The following ASMT variants were observed in gnomAD, a reference collection of about 807,000 sequenced individuals.
ASMT encodes acetylserotonin N-methyltransferase.
In ASMT, 53 loss-of-function variants were observed where a neutral mutation model predicts 41.3. The observed-to-expected ratio is 1.28, with a 90% CI of 1.03 to 1.61. The LOEUF (loss-of-function observed/expected upper bound fraction) is 1.61, where lower values mean the gene tolerates loss of function less well. Among genes scored for constraint, ASMT ranks in the 40% most tolerant of loss-of-function variants. ASMT has a pLI of 0.00. For missense variants in ASMT, 531 were observed against 441.3 expected (o/e 1.20, Z -1.82); for synonymous variants, 231 against 184.8 (o/e 1.25, Z -2.03).
At chrX:1,636,151 G>T (rs1333016664) in intron 7 of ASMT, 1 of 423,868 alleles carries the variant, frequency 2.4e-6, no homozygotes, top group South Asian at 2.1e-5. Context: ...TAGAGACAGG[G>T]TTTCACCGTG....
intron 4 of ASMT, 62 bp from the exon 5 acceptor site, chrX:1,629,759 C>G: frequency 6.7e-7 from 1 of 1,487,932 alleles, no homozygotes; most frequent in South Asian, 1.1e-5. Flanking sequence ...GTTATGTACA[C>G]CCTTGCTCTG....
chrX:1,627,593 C>A, intron 3 of ASMT, 110 bp from the exon 4 acceptor site: 1 of 1,183,912 alleles, frequency 8.4e-7, no homozygotes, highest in Non-Finnish European at 1.3e-6. Flanking sequence ...TGCACTCCAG[C>A]CTGGGCTACA....
intron 1 of ASMT, among the ~76,000 whole-genome samples, chrX:1,622,484 T>C (rs750595474): frequency 6.6e-6 from 1 of 150,384 alleles, no homozygotes; most frequent in Admixed American, 6.7e-5. Context: ...AGAGATGGGG[T>C]TTCACCATGT....
Position 1,629,327 on chromosome X carries a change from G to C in ASMT, c.444-494G>C, listed in dbSNP as rs188760035. ...GACAGGAGGAGAGAGGGAGCTGTGG[G>C]GGGGGAGGAGCAGGAAATGCTTCCA... On this transcript the variant is annotated intron_variant, in intron 4 of 8. Coordinates refer to ENST00000381241, the MANE Select transcript of ASMT (RefSeq NM_001171038.2). Among the ~76,000 whole-genome samples, 174 of 152,218 alleles carry C rather than the reference G, an allele frequency of 1.1e-3. 1 individual carries two copies. Among genetic ancestry groups the C allele is most frequent in the South Asian group, 5.6e-3 (27 of 4,814 alleles).
At chrX:1,630,183 C>T (rs773941628) in intron 5 of ASMT, among the ~76,000 whole-genome samples, 6 of 151,634 alleles carry the variant, frequency 4.0e-5, no homozygotes. Context: ...GCCCAGGCTG[C>T]AGTGCAGTGG....
Position 1,636,507 on chromosome X carries a change from C to T in ASMT, c.857C>T (p.Ala286Val), listed in dbSNP as rs1176025937. 5 of 1,613,804 alleles carry T rather than the reference C, an allele frequency of 3.1e-6. No individual in the cohort carries two copies. The highest frequency in any genetic ancestry group is 1.7e-5 in the Admixed American group (1 of 59,970). ...CTGGCCAGGGTCCTCCATGACTGGG[C>T]AGACGGAAAGTGCTCACACCTGCTG... is the stretch of plus-strand genomic sequence containing the variant. ...YILARVLHDW[A>V]DGKCSHLLER... The change falls in exon 8 of 9, where the codon GCA (alanine) becomes GTA (valine). Residue 286 changes from alanine (A) to valine (V), a missense_variant. By Grantham distance (64) the Ala-to-Val change is moderately conservative. Coordinates refer to ENST00000381241, the MANE Select transcript of ASMT (RefSeq NM_001171038.2).
intron 5 of ASMT, among the ~76,000 whole-genome samples, chrX:1,630,153 A>C (rs1474451627): frequency 1.3e-5 from 2 of 152,088 alleles, no homozygotes; most frequent in African/African-American, 4.8e-5. Flanking sequence ...TCTTTTTTTA[A>C]GATGGAAGCT....
At chrX:1,636,356 G>A (rs780982749) in intron 7 of ASMT, 82 bp from the exon 8 acceptor site, 1 of 1,606,196 alleles carries the variant, frequency 6.2e-7, no homozygotes, top group African/African-American at 1.3e-5. Flanking sequence ...ACCCATCCAG[G>A]TGACCTTTTG....
intron 1 of ASMT, among the ~76,000 whole-genome samples, chrX:1,616,166 T>C (rs189084256): frequency 0.017 from 2,508 of 146,378 alleles, 122 homozygotes; most frequent in African/African-American, 0.054. Context: ...GTATCTGGGA[T>C]TACAGGCACC....
At chrX:1,631,206 G>A (rs189864193) in intron 5 of ASMT, among the ~76,000 whole-genome samples, 4 of 151,120 alleles carry the variant, frequency 2.6e-5, no homozygotes, top group East Asian at 2.0e-4. Flanking sequence ...GAGCCACTGC[G>A]CCGAGCTCAT....
rs775033883 is a variant in ASMT, at chrX:1,635,874, CAAACAAAA to C, written c.788-553_788-546del. 2.3e-4 allele frequency among the ~76,000 whole-genome samples: 35 copies of C among 149,764 alleles called. No homozygotes were observed. In the East Asian group the frequency reaches 6.8e-3, roughly 29 times the overall value. ...CAAAACTCCATCTCAAACAAACAAACAAACAAAAAAACAAAAAAGAAACCATATTATGA... is the reference window on the plus strand; with the variant it reads ...CAAAACTCCATCTCAAACAAACAAACAAACAAAAAAGAAACCATATTATGA... On this transcript the variant is annotated intron_variant, in intron 7 of 8. Transcript: ENST00000381241.
chrX:1,618,671 G>A (rs1250115682), intron 1 of ASMT, among the ~76,000 whole-genome samples: 3 of 152,016 alleles, frequency 2.0e-5, no homozygotes, highest in South Asian at 2.1e-4. Flanking sequence ...TCCTGACCTC[G>A]GGTGATCTGC....
intron 4 of ASMT, among the ~76,000 whole-genome samples, chrX:1,629,234 T>C (rs776921722): frequency 6.6e-6 from 1 of 152,274 alleles, no homozygotes; most frequent in African/African-American, 2.4e-5. Flanking sequence ...GTGACCGTGG[T>C]ACCTAAGAGG....
At chrX:1,634,128 G>A (rs1262515245) in intron 7 of ASMT, among the ~76,000 whole-genome samples, 2 of 152,110 alleles carry the variant, frequency 1.3e-5, no homozygotes, top group Non-Finnish European at 2.9e-5. Context: ...ACTACCTTCA[G>A]GTTCAATAAT....
chrX:1,619,549 T>TATA (rs745727836), intron 1 of ASMT, among the ~76,000 whole-genome samples: 25,491 of 129,576 alleles, frequency 0.2, 2,526 homozygotes, highest in Middle Eastern at 0.33. Flanking sequence ...GAACTTAAAG[T>TATA]ATAATAATAA....
chrX:1,619,515 T>G (rs113253291), intron 1 of ASMT, among the ~76,000 whole-genome samples: 7,028 of 147,050 alleles, frequency 0.048, 493 homozygotes, highest in African/African-American at 0.17. Flanking sequence ...GCAACAAACC[T>G]GCACGTTCTG....
At chrX:1,623,440 A>T (rs5948991) in intron 2 of ASMT, 127 bp downstream of exon 2, 168,550 of 1,245,960 alleles carry the variant, frequency 0.14, 18,467 homozygotes, top group African/African-American at 0.55. Context: ...ACTAAAAAAA[A>T]TACAAAAAAT....
chrX:1,631,779 G>T (rs1446659302), intron 5 of ASMT, among the ~76,000 whole-genome samples: 1 of 152,122 alleles, frequency 6.6e-6, no homozygotes, highest in Non-Finnish European at 1.5e-5. Context: ...GCTGGGTGCG[G>T]TGGCTCATGC....
At chrX:1,620,112 A>G (rs1165350756) in intron 1 of ASMT, among the ~76,000 whole-genome samples, 1 of 151,390 alleles carries the variant, frequency 6.6e-6, no homozygotes, top group Non-Finnish European at 1.5e-5. Flanking sequence ...AAATAAATAA[A>G]TAAATAAAAA....
Sources: allele counts gnomAD v4.1 joint callset (sites outside exome capture counted in the v4.1 genomes callset), GRCh38; gene constraint gnomAD v4.1.1; transcripts MANE v1.5; gene names NCBI Gene and HGNC (gene_info 2026-07-23, HGNC 2026-07-21).